The following TBC1D22B variants were observed in gnomAD, a reference collection of about 807,000 sequenced individuals.
The protein encoded by TBC1D22B is chromosome 6 open reading frame 197.
A neutral mutation model predicts 69.1 loss-of-function variants in TBC1D22B; 32 were observed. That is an observed-to-expected ratio of 0.46 (90% confidence interval 0.35 to 0.62). The LOEUF is 0.62. Among genes scored for constraint, TBC1D22B ranks in the 20% least tolerant of loss-of-function variants. TBC1D22B has a pLI of 0.00. For synonymous variants in TBC1D22B, 206 were observed against 229.8 expected, an observed-to-expected ratio of 0.90 and a Z score of 0.94; for missense variants, 462 against 630.9, an observed-to-expected ratio of 0.73 and a Z score of 2.87.
intron 12 of TBC1D22B, among the ~76,000 whole-genome samples, chr6:37,317,883 G>A (rs2113786420): frequency 6.6e-6 from 1 of 152,288 alleles, no homozygotes; most frequent in East Asian, 1.9e-4. Context: ...CTGAGCTATG[G>A]AAGGAATCAT....
chr6:37,279,129 C>A (rs1766749022), intron 2 of TBC1D22B, among the ~76,000 whole-genome samples, 175 bp from the exon 3 acceptor site: 1 of 152,212 alleles, frequency 6.6e-6, no homozygotes, highest in African/African-American at 2.4e-5. Context: ...TCTCTGCGAT[C>A]TCAGGCTGGT....
chr6:37,287,352 T>A (rs535120116), intron 7 of TBC1D22B, among the ~76,000 whole-genome samples: 3 of 152,354 alleles, frequency 2.0e-5, no homozygotes, highest in African/African-American at 7.2e-5. Context: ...TTTGCTCTAC[T>A]TTATCAAGCT....
At chr6:37,307,914 G>A (rs1767787381) in intron 8 of TBC1D22B, among the ~76,000 whole-genome samples, 1 of 152,132 alleles carries the variant, frequency 6.6e-6, no homozygotes, top group South Asian at 2.1e-4. Context: ...TGTTGGTGTT[G>A]GTAAAACCAG....
At chr6:37,298,792 A>G (rs1767473719) in intron 8 of TBC1D22B, among the ~76,000 whole-genome samples, 1 of 151,790 alleles carries the variant, frequency 6.6e-6, no homozygotes, top group African/African-American at 2.4e-5. Flanking sequence ...TGATCCGCCC[A>G]CCTCGGCCTC....
intron 8 of TBC1D22B, among the ~76,000 whole-genome samples, chr6:37,300,648 C>T (rs936423562): frequency 2.6e-5 from 4 of 152,132 alleles, no homozygotes; most frequent in African/African-American, 9.7e-5. Flanking sequence ...AGGCATGAGC[C>T]ACCGTGCCTG....
chr6:37,264,268 G>A (rs1054623770), intron 1 of TBC1D22B, among the ~76,000 whole-genome samples: 1 of 151,778 alleles, frequency 6.6e-6, no homozygotes, highest in Non-Finnish European at 1.5e-5. Flanking sequence ...AGAGTGGCTT[G>A]CTAGGAAGGG....
In TBC1D22B at chr6:37,287,043, C is replaced by A; in HGVS notation, c.838C>A (p.Pro280Thr). 6.2e-7 allele frequency: 1 copy of A among 1,603,996 alleles called. No homozygotes were observed. The highest frequency in any genetic ancestry group is 8.5e-7 in the Non-Finnish European group (1 of 1,176,548). ...CATTCCAAGGACGAATCCTCTCATT[C>A]CGTTGTTCCAGCAACCACTTGTACA... is the stretch of plus-strand genomic sequence containing the variant. Reference protein sequence around the residue: ...IDIPRTNPLIPLFQQPLVQEI... With the variant: ...IDIPRTNPLITLFQQPLVQEI... Residue 280 changes from proline (P) to threonine (T), a missense_variant, in exon 7 of 13, where the codon CCG (proline) becomes ACG (threonine). By Grantham distance (38) the Pro-to-Thr change is conservative. Coordinates refer to ENST00000373491, the MANE Select transcript of TBC1D22B (RefSeq NM_017772.4).
chr6:37,275,815 A>T (rs111723937), intron 2 of TBC1D22B, among the ~76,000 whole-genome samples: 1 of 152,140 alleles, frequency 6.6e-6, no homozygotes, highest in South Asian at 2.1e-4. Context: ...CTCTGGAGAG[A>T]GCATAACTAG....
At chr6:37,320,146 A>G (rs1428679448) in intron 12 of TBC1D22B, among the ~76,000 whole-genome samples, 1 of 152,228 alleles carries the variant, frequency 6.6e-6, no homozygotes, top group East Asian at 1.9e-4. Context: ...ACAGGGAAAA[A>G]GAGCCAGATA....
chr6:37,288,073 A>T (rs1254392292), intron 7 of TBC1D22B, among the ~76,000 whole-genome samples: 2 of 152,226 alleles, frequency 1.3e-5, no homozygotes. Flanking sequence ...CGGAACTTTC[A>T]GTTCTCATAG....
intron 8 of TBC1D22B, among the ~76,000 whole-genome samples, chr6:37,297,422 A>T (rs1481364467): frequency 5.3e-5 from 8 of 152,114 alleles, no homozygotes; most frequent in Non-Finnish European, 7.4e-5. Context: ...GGACATACTG[A>T]TTTCCTTTAG....
intron 2 of TBC1D22B, among the ~76,000 whole-genome samples, chr6:37,274,886 T>G (rs1310481869): frequency 6.6e-6 from 1 of 152,168 alleles, no homozygotes; most frequent in East Asian, 1.9e-4. Flanking sequence ...ACCCTGTCTC[T>G]ACTAAAAATA....
chr6:37,290,696 TC>T (rs902975475), intron 7 of TBC1D22B, among the ~76,000 whole-genome samples: 5 of 152,258 alleles, frequency 3.3e-5, no homozygotes, highest in South Asian at 2.1e-4. Flanking sequence ...TGAACTGACT[TC>T]CTGCAATGTG....
At chr6:37,259,379 C>T (rs1418297275) in intron 1 of TBC1D22B, among the ~76,000 whole-genome samples, 1 of 152,090 alleles carries the variant, frequency 6.6e-6, no homozygotes, top group African/African-American at 2.4e-5. Context: ...GTCTAGTGAG[C>T]TCTCTAGTTG....
intron 8 of TBC1D22B, among the ~76,000 whole-genome samples, chr6:37,298,994 A>G (rs1204438875): frequency 6.6e-6 from 1 of 152,230 alleles, no homozygotes; most frequent in Non-Finnish European, 1.5e-5. Context: ...AATAGGTACT[A>G]CTGAATTATA....
intron 7 of TBC1D22B, 80 bp downstream of exon 7, chr6:37,287,152 A>G: frequency 1.8e-6 from 2 of 1,117,040 alleles, no homozygotes; most frequent in Admixed American, 2.6e-5. Context: ...GCGGCTAATC[A>G]TAATAGTACC....
Position 37,332,941 on chromosome 6 carries a change from T to C in TBC1D22B, c.*1769T>C, listed in dbSNP as rs933367324. On this transcript the variant is annotated 3_prime_UTR_variant, in exon 13 of 13. Transcript: ENST00000373491. Reference sequence around the variant, plus strand: ...GAAATTGTGGATAAAGTGAAAAGAATTGTAAATAAATGGTGTATTTCCTCC... The same window carrying C: ...GAAATTGTGGATAAAGTGAAAAGAACTGTAAATAAATGGTGTATTTCCTCC... The C allele has an allele frequency of 6.6e-6, 1 of 152,310 alleles. No individual in the cohort carries two copies. The highest frequency in any genetic ancestry group is 2.4e-5 in the African/African-American group (1 of 41,462). 9.4% of individuals were successfully genotyped at this position (152,310 alleles called of 1,614,324 possible).
chr6:37,279,464 G>T lies in TBC1D22B; in HGVS notation c.274G>T (p.Val92Phe). 6.2e-7 allele frequency: 1 copy of T among 1,614,166 alleles called. No individual in the cohort carries two copies. The highest frequency in any genetic ancestry group is 8.5e-7 in the Non-Finnish European group (1 of 1,180,026). Reference protein sequence around the residue: ...SPSFQTLNSKVALATAAQVLE... With the variant: ...SPSFQTLNSKFALATAAQVLE... ...TTCTTTCCAAACTCTGAACTCAAAA[G>T]TTGCTTTGGCAACTGCAGCCCAAGT... Residue 92 changes from valine (V) to phenylalanine (F), a missense_variant, in exon 3 of 13, where the codon GTT becomes TTT. Val to Phe is a conservative substitution (Grantham distance 50). This residue lies in a region of TBC1D22B where 237 missense variants were observed against 255.4 expected (regional missense o/e 0.93). Transcript: ENST00000373491.
intron 8 of TBC1D22B, among the ~76,000 whole-genome samples, chr6:37,295,423 T>A (rs921584729): frequency 6.6e-6 from 1 of 152,214 alleles, no homozygotes; most frequent in South Asian, 2.1e-4. Flanking sequence ...CTTCATTTTT[T>A]AATTTTTTAT....
Sources: gnomAD v4.1 joint callset for allele counts (sites outside exome capture counted in the v4.1 genomes callset) on GRCh38, gnomAD v4.1.1 for gene constraint, gnomAD v4.1.1 regional missense constraint, MANE v1.5 for transcripts, NCBI Gene and HGNC (gene_info 2026-07-23, HGNC 2026-07-21) for gene names.